Variants in SGK2 observed in about 807,000 individuals in gnomAD.
SGK2 encodes serum/glucocorticoid regulated kinase 2, also known as serine/threonine-protein kinase Sgk2.
SGK2 carries 36 observed loss-of-function variants against 47.5 expected under a neutral mutation model. The observed-to-expected ratio is 0.76, with a 90% confidence interval of 0.58 to 1.00. The LOEUF (loss-of-function observed/expected upper bound fraction) is 1.00, where lower values mean the gene tolerates loss of function less well. Among genes scored for constraint, SGK2 ranks in the 50% least tolerant of loss-of-function variants. The pLI is 0.00. For synonymous variants in SGK2, 157 were observed against 181.9 expected (o/e 0.86, Z 1.10); for missense variants, 404 against 467.4 (o/e 0.86, Z 1.25).
At chr20:43,564,481 G>C (rs567978773) in intron 1 of SGK2, among the ~76,000 whole-genome samples, 5 of 151,780 alleles carry the variant, frequency 3.3e-5, no homozygotes, top group Non-Finnish European at 7.4e-5. Context: ...GCACGCATGC[G>C]TGCATGCACG....
intron 3 of SGK2, 144 bp downstream of exon 3, chr20:43,567,261 C>T: frequency 1.4e-6 from 1 of 709,290 alleles, no homozygotes; most frequent in Admixed American, 2.3e-5. Context: ...CCAGCTCTAT[C>T]TCCCACAAAT....
chr20:43,564,177 T>C (rs1463700186), intron 1 of SGK2, among the ~76,000 whole-genome samples: 1 of 152,220 alleles, frequency 6.6e-6, no homozygotes, highest in Non-Finnish European at 1.5e-5. Context: ...GCCAGGGTGC[T>C]CTCTGGGACC....
intron 12 of SGK2, 69 bp downstream of exon 12, chr20:43,580,130 TC>T: frequency 1.0e-6 from 1 of 970,860 alleles, no homozygotes; most frequent in South Asian, 1.6e-5. Context: ...TTGCCAACTC[TC>T]CTTATCTAGA....
intron 11 of SGK2, among the ~76,000 whole-genome samples, chr20:43,577,347 C>CTT (rs924498448): frequency 5.7e-4 from 70 of 122,088 alleles, no homozygotes; most frequent in South Asian, 4.9e-3. Context: ...ACTGCATCTG[C>CTT]TTTTTTTTTT....
chr20:43,562,999 G>A (rs1246089133), intron 1 of SGK2, among the ~76,000 whole-genome samples: 1 of 151,960 alleles, frequency 6.6e-6, no homozygotes, highest in East Asian at 1.9e-4. Context: ...AGCCGGGTAT[G>A]GTGGCGGGCA....
At chr20:43,576,201 A>G in intron 10 of SGK2, 23 bp from the exon 11 acceptor site, 4 of 1,612,296 alleles carry the variant, frequency 2.5e-6, no homozygotes, top group Non-Finnish European at 3.4e-6. Context: ...GTGATCCTCC[A>G]GCTGTTCTCC....
intron 11 of SGK2, among the ~76,000 whole-genome samples, chr20:43,577,834 G>C (rs746891462): frequency 6.6e-6 from 1 of 151,822 alleles, no homozygotes; most frequent in Non-Finnish European, 1.5e-5. Context: ...TAGTAGAGAC[G>C]GGGTTTCACT....
Position 43,572,731 on chromosome 20 carries a change from C to A in SGK2, c.597+594C>A, listed in dbSNP as rs780869558. On this transcript the variant is annotated intron_variant, in intron 9 of 12. Coordinates refer to ENST00000373100, the MANE Select transcript of SGK2 (RefSeq NM_170693.3). The surrounding 1 kb of genome is among the most constrained non-coding windows in gnomAD (Gnocchi z 4.2). ...AACCACATAAACACTTTAAAAACTT[C>A]CAGCAGCCACATTTAAAAAGTAAGA... Among the ~76,000 whole-genome samples the A allele has an allele frequency of 2.7e-4, 41 of 152,094 alleles. No individual in the cohort carries two copies. The highest frequency in any genetic ancestry group is 4.3e-4 in the Non-Finnish European group (29 of 68,008).
In SGK2 at chr20:43,584,909, A is replaced by C. The variant is rs1456934348; in HGVS notation, c.997A>C (p.Lys333Gln). ...DPEFTQEAVSKSIGCTPDTVA... is the reference protein window; with the variant it reads ...DPEFTQEAVSQSIGCTPDTVA... ...AGAGTTCACCCAGGAAGCTGTGTCC[A>C]AGTCCATTGGCTGTACCCCTGACAC... The change falls in exon 13 of 13, where the codon AAG becomes CAG. Residue 333 changes from lysine (K) to glutamine (Q), a missense_variant. By Grantham distance (53) the Lys-to-Gln change is moderately conservative (BLOSUM62 1). Coordinates refer to ENST00000373100, the MANE Select transcript of SGK2 (RefSeq NM_170693.3). 6.2e-7 allele frequency: 1 copy of C among 1,614,168 alleles called. No individual in the cohort carries two copies.
At chr20:43,562,192 T>TCACA (rs1979427627) in intron 1 of SGK2, among the ~76,000 whole-genome samples, 2 of 151,548 alleles carry the variant, frequency 1.3e-5, no homozygotes, top group African/African-American at 2.4e-5. Flanking sequence ...GGCAGGAGGA[T>TCACA]TGCTTAAGCT....
rs796100790 is a variant in SGK2 at position 43,571,064 on chromosome 20, G to GGTGGGTGGGGGTGT, written c.510+7_510+8insGGTGGGGGTGTGTG. ...GAACATTCTCTTGGACTGCCAGGTTGGTGTGTGTGTGTGTGTGTGTGTGTG... is the reference window on the plus strand; with the variant it reads ...GAACATTCTCTTGGACTGCCAGGTTGGTGGGTGGGGGTGTGTGTGTGTGTGTGTGTGTGTGTGTG... On this transcript the variant is annotated splice_donor_region_variant and intron_variant, in intron 8 of 12. Coordinates refer to ENST00000373100, the MANE Select transcript of SGK2 (RefSeq NM_170693.3). The GGTGGGTGGGGGTGT allele has an allele frequency of 5.4e-5, 85 of 1,566,146 alleles. No individual in the cohort carries two copies. In the African/African-American group the frequency reaches 7.7e-4, roughly 14 times the overall value.
rs188687281 is a variant in SGK2 at position 43,572,391 on chromosome 20, G to A, written c.597+254G>A. On this transcript the variant is annotated intron_variant, in intron 9 of 12. Coordinates refer to ENST00000373100, the MANE Select transcript of SGK2 (RefSeq NM_170693.3). The surrounding 1 kb of genome is among the most constrained non-coding windows in gnomAD (Gnocchi z 4.2). The stretch of plus-strand genomic sequence containing the variant: ...ATCCAGTAGAAATAGAAATAGAAAC[G>A]CAGGCTGGGCACAGTGGCTCACGCC... 1.8e-4 allele frequency among the ~76,000 whole-genome samples: 28 copies of A among 152,304 alleles called. No individual in the cohort carries two copies. Among genetic ancestry groups the A allele is most frequent in the African/African-American group, 6.5e-4 (27 of 41,564 alleles).
At chr20:43,577,454 C>T (rs1489258989) in intron 11 of SGK2, among the ~76,000 whole-genome samples, 8 of 150,092 alleles carry the variant, frequency 5.3e-5, no homozygotes, top group Non-Finnish European at 1.0e-4. Flanking sequence ...CGAGTTCAAG[C>T]GATTCTCCTG....
chr20:43,569,480 G>A lies in SGK2; in HGVS notation c.324G>A (p.Lys108=). ...GCTACTCCTTCCAGACACCTGAGAA[G>A]CTCTACTTCGTGCTCGACTATGTCA... ...GLRYSFQTPE[K]LYFVLDYVNG... The change falls in exon 6 of 13, where the codon AAG becomes AAA. Residue 108 remains lysine, a synonymous_variant. Transcript: ENST00000373100. The A allele has an allele frequency of 6.2e-7, 1 of 1,613,648 alleles. No individual in the cohort carries two copies. Among genetic ancestry groups the A allele is most frequent in the Non-Finnish European group, 8.5e-7 (1 of 1,180,000 alleles).
intron 9 of SGK2, 43 bp from the exon 10 acceptor site, chr20:43,574,866 G>A (rs770942093): frequency 6.7e-7 from 1 of 1,503,752 alleles, no homozygotes; most frequent in Non-Finnish European, 9.2e-7. Flanking sequence ...GGGCAACTGA[G>A]GCTTAACGAC....
chr20:43,563,763 G>A (rs1348065351), intron 1 of SGK2, among the ~76,000 whole-genome samples: 1 of 152,208 alleles, frequency 6.6e-6, no homozygotes, highest in Non-Finnish European at 1.5e-5. Context: ...TCTTGTTTTT[G>A]AAAATAAATG....
intron 1 of SGK2, 25 bp from the exon 2 acceptor site, chr20:43,566,448 T>C (rs1375267156): frequency 6.2e-7 from 1 of 1,614,004 alleles, no homozygotes; most frequent in African/African-American, 1.3e-5. Flanking sequence ...AACTCTCTCA[T>C]GCCTGCTCCT....
intron 1 of SGK2, 56 bp from the exon 2 acceptor site, chr20:43,566,417 C>A (rs770288580): frequency 1.2e-6 from 2 of 1,614,036 alleles, no homozygotes; most frequent in Admixed American, 1.7e-5. Flanking sequence ...CCTGGATGGG[C>A]GGAGCTGACC....
chr20:43,569,304 C>T, intron 5 of SGK2, 81 bp from the exon 6 acceptor site: 1 of 1,556,894 alleles, frequency 6.4e-7, no homozygotes, highest in Non-Finnish European at 8.7e-7. Flanking sequence ...GACCCCCACC[C>T]ACAAGCTTAT....
Sources: allele counts gnomAD v4.1 joint callset (sites outside exome capture counted in the v4.1 genomes callset), GRCh38; gene constraint gnomAD v4.1.1; non-coding constraint Gnocchi (gnomAD v3.1); transcripts MANE v1.5; gene names NCBI Gene and HGNC (gene_info 2026-07-23, HGNC 2026-07-21).